Variants in HMGB1 observed in about 807,000 individuals in gnomAD.
HMGB1 encodes high mobility group protein B1.
For synonymous variants in HMGB1, 81 were observed against 84.0 expected (o/e 0.96, Z 0.19); for missense variants, 79 against 253.5 (o/e 0.31, Z 4.67).
intron 1 of HMGB1, among the ~76,000 whole-genome samples, chr13:30,475,118 G>GTC (rs201116510): frequency 0.014 from 592 of 41,736 alleles, 13 homozygotes; most frequent in Middle Eastern, 0.028. Flanking sequence ...TTGGCTCACT[G>GTC]TCTCTCTCTC....
rs373031389 is a variant in HMGB1, at chr13:30,581,847, A to T, written c.-15+34824T>A. Among the ~76,000 whole-genome samples the T allele has an allele frequency of 1.2e-4, 19 of 152,218 alleles. 1 individual carries two copies. The highest frequency in any genetic ancestry group is 4.6e-4 in the African/African-American group (19 of 41,522). On this transcript the variant is annotated intron_variant, in intron 1 of 4. Transcript: ENST00000405805. ...TCATCTTTAGTAACCATGCTTCTAT[A>T]CCTGGTTCTCCTTGGCAAAGATTTC...
At chr13:30,516,422 C>T (rs1287417687) in intron 1 of HMGB1, among the ~76,000 whole-genome samples, 1 of 151,980 alleles carries the variant, frequency 6.6e-6, no homozygotes, top group Non-Finnish European at 1.5e-5. Flanking sequence ...AACAAAATAC[C>T]CATACAGCAA....
Position 30,595,678 on chromosome 13 carries a change from G to T in HMGB1, c.-15+20993C>A, listed in dbSNP as rs368116958. Among the ~76,000 whole-genome samples the T allele has an allele frequency of 2.6e-5, 4 of 152,256 alleles. No individual in the cohort carries two copies. In the South Asian group the frequency reaches 8.3e-4, roughly 32 times the overall value. ...TCGGCTGGGACGGCCATCCTTTGAG[G>T]GCTCTGAGGGCTTTGAGGGCTGCAC... On this transcript the variant is annotated intron_variant, in intron 1 of 4. Transcript: ENST00000405805.
chr13:30,520,530 G>C (rs1449368992), intron 1 of HMGB1, among the ~76,000 whole-genome samples: 1 of 152,060 alleles, frequency 6.6e-6, no homozygotes, highest in Non-Finnish European at 1.5e-5. Flanking sequence ...TGAGGCACGA[G>C]AATCACTTGA....
At chr13:30,537,767 G>T (rs547801459) in intron 1 of HMGB1, among the ~76,000 whole-genome samples, 46 of 146,890 alleles carry the variant, frequency 3.1e-4, no homozygotes, top group African/African-American at 1.1e-3. Flanking sequence ...CTAGAGATAG[G>T]GCTGTCATAA....
intron 1 of HMGB1, chr13:30,539,691 G>A (rs1868772571): frequency 9.0e-6 from 2 of 223,374 alleles, no homozygotes; most frequent in Admixed American, 4.4e-5. Context: ...TGGAACATGT[G>A]TAGCCCCAAA....
chr13:30,585,102 A>T (rs1352168722), intron 1 of HMGB1, among the ~76,000 whole-genome samples: 1 of 151,578 alleles, frequency 6.6e-6, no homozygotes, highest in Admixed American at 6.6e-5. Context: ...GTGAGCCGTG[A>T]TTGTGTCACT....
intron 1 of HMGB1, among the ~76,000 whole-genome samples, chr13:30,475,299 C>T (rs1244008120): frequency 6.7e-6 from 1 of 148,422 alleles, no homozygotes; most frequent in Non-Finnish European, 1.5e-5. Context: ...ACTGCAGTCT[C>T]CTCCCACCTC....
Position 30,565,674 on chromosome 13 carries a change from C to T in HMGB1, c.-15+50997G>A, listed in dbSNP as rs951910584. Among the ~76,000 whole-genome samples the T allele has an allele frequency of 1.2e-4, 18 of 152,284 alleles. No homozygotes were observed. The East Asian group carries it at 2.7e-3, about 23-fold the overall frequency. On this transcript the variant is annotated intron_variant, in intron 1 of 4. Coordinates refer to the HMGB1 transcript ENST00000405805. ...GCATGTCTGATATGCTTCCAGAGGG[C>T]ACTGATGCTGCTGGTCCATGGACCA...
At chr13:30,566,656 A>G (rs192538703) in intron 1 of HMGB1, among the ~76,000 whole-genome samples, 16 of 152,222 alleles carry the variant, frequency 1.1e-4, no homozygotes, top group Admixed American at 1.0e-3. Flanking sequence ...ATACCCACAA[A>G]TTTTTCTCCT....
At chr13:30,490,244 G>A (rs1266604746) in intron 1 of HMGB1, among the ~76,000 whole-genome samples, 1 of 152,028 alleles carries the variant, frequency 6.6e-6, no homozygotes, top group Non-Finnish European at 1.5e-5. Flanking sequence ...TCTGAACCGA[G>A]GTTTTAATAT....
intron 1 of HMGB1, among the ~76,000 whole-genome samples, chr13:30,515,861 C>G (rs1406425525): frequency 6.6e-6 from 1 of 152,052 alleles, no homozygotes; most frequent in Middle Eastern, 3.2e-3. Flanking sequence ...AGGTAATCAT[C>G]AAAAGAGTTT....
At chr13:30,564,133 A>G (rs549719664) in intron 1 of HMGB1, among the ~76,000 whole-genome samples, 29 of 152,052 alleles carry the variant, frequency 1.9e-4, no homozygotes, top group Non-Finnish European at 3.1e-4. Flanking sequence ...ATAGGACATG[A>G]TTAAGAAACT....
chr13:30,465,299 C>T (rs1241658248), intron 1 of HMGB1: 2 of 138,998 alleles, frequency 1.4e-5, no homozygotes, highest in Admixed American at 7.0e-5. Flanking sequence ...CGCCCCGCCG[C>T]CCGCCCGGCT....
chr13:30,586,613 G>A (rs533162055), intron 1 of HMGB1, among the ~76,000 whole-genome samples: 11 of 149,684 alleles, frequency 7.3e-5, no homozygotes, highest in East Asian at 6.1e-4. Context: ...TCAGTCTCCC[G>A]AGTACTGGGA....
rs533256290 is a variant in HMGB1 at position 30,510,929 on chromosome 13, C to CATCT, written c.-14-47239_-14-47236dup. On this transcript the variant is annotated intron_variant, in intron 1 of 4. Coordinates refer to the HMGB1 transcript ENST00000405805. ...CAAAATGTATTGTGTATATCAGGAA[C>CATCT]ATCTCTTCCTAAGATGTTTGAGAAG... Among the ~76,000 whole-genome samples, 338 of 152,270 alleles carry CATCT rather than the reference C, an allele frequency of 2.2e-3. 6 individuals are homozygous for CATCT. Among genetic ancestry groups the CATCT allele is most frequent in the Admixed American group, 0.02 (310 of 15,288 alleles).
intron 1 of HMGB1, among the ~76,000 whole-genome samples, chr13:30,604,993 G>A (rs576470649): frequency 3.3e-5 from 5 of 152,158 alleles, no homozygotes; most frequent in African/African-American, 1.2e-4. Context: ...CATATTCGCT[G>A]AGGGATTAAA....
chr13:30,540,257 C>A, intron 1 of HMGB1: 1 of 181,254 alleles, frequency 5.5e-6, no homozygotes, highest in South Asian at 1.2e-4. Context: ...TAGGGACGCT[C>A]CTCTTTTCTC....
chr13:30,592,416 A>C (rs1022783730), intron 1 of HMGB1, among the ~76,000 whole-genome samples: 2 of 152,218 alleles, frequency 1.3e-5, no homozygotes, highest in African/African-American at 4.8e-5. Context: ...ATATAATTTA[A>C]GTTAAAGAAC....
Sources: allele counts gnomAD v4.1 joint callset (sites outside exome capture counted in the v4.1 genomes callset), GRCh38; gene constraint gnomAD v4.1.1; transcripts MANE v1.5; gene names NCBI Gene and HGNC (gene_info 2026-07-23, HGNC 2026-07-21).